The following GPM6B variants were observed in gnomAD, a reference collection of about 807,000 sequenced individuals.
The protein encoded by GPM6B is neuronal membrane glycoprotein M6-b.
A neutral mutation model predicts 27.2 loss-of-function variants in GPM6B; 4 were observed. The observed-to-expected ratio is 0.15, with a 90% CI of 0.07 to 0.34. The LOEUF is 0.34. Among genes scored for constraint, GPM6B ranks in the 10% least tolerant of loss-of-function variants. The pLI is 1.00. For missense variants in GPM6B, 183 were observed against 261.9 expected (o/e 0.70, Z 2.08); for synonymous variants, 124 against 103.1 (o/e 1.20, Z -1.23).
intron 1 of GPM6B, among the ~76,000 whole-genome samples, chrX:13,835,137 A>T (rs1298224376): frequency 8.9e-6 from 1 of 112,176 alleles, no homozygotes; most frequent in African/African-American, 3.2e-5. Context: ...GCATGAGTAC[A>T]TGAATGTTGG....
At chrX:13,918,103 C>T (rs115222495) in intron 1 of GPM6B, among the ~76,000 whole-genome samples, 163 of 112,844 alleles carry the variant, frequency 1.4e-3, no homozygotes, top group African/African-American at 5.1e-3. Context: ...GAAGAAAGTG[C>T]GTTTTTGAAC....
chrX:13,924,585 GCCT>G (rs1921080624), intron 1 of GPM6B, among the ~76,000 whole-genome samples: 1 of 112,115 alleles, frequency 8.9e-6, no homozygotes, highest in Non-Finnish European at 1.9e-5. Flanking sequence ...TCAGGAATGA[GCCT>G]CCATGCCCGG....
At chrX:13,837,654 T>C (rs1259878935) in intron 1 of GPM6B, among the ~76,000 whole-genome samples, 1 of 94,096 alleles carries the variant, frequency 1.1e-5, no homozygotes, top group African/African-American at 3.8e-5. Context: ...AATTAGCATA[T>C]TCCCCCCCTC....
At chrX:13,866,735 T>C (rs1024570396) in intron 1 of GPM6B, among the ~76,000 whole-genome samples, 16 of 111,309 alleles carry the variant, frequency 1.4e-4, no homozygotes, top group Admixed American at 4.8e-4. Context: ...AAGAGAGAAC[T>C]GAGGTCCCAA....
chrX:13,842,072 T>G (rs2049583275), intron 1 of GPM6B, among the ~76,000 whole-genome samples: 2 of 112,059 alleles, frequency 1.8e-5, no homozygotes, highest in African/African-American at 6.5e-5. Context: ...CTCCAAAATA[T>G]TCATGTGTTT....
chrX:13,845,192 G>A (rs1300757815), intron 1 of GPM6B, among the ~76,000 whole-genome samples: 1 of 110,261 alleles, frequency 9.1e-6, no homozygotes, highest in Non-Finnish European at 1.9e-5. Flanking sequence ...GTTTCACCAG[G>A]TTGGCCACGC....
chrX:13,923,272 C>G (rs952867567), intron 1 of GPM6B, among the ~76,000 whole-genome samples: 4 of 111,467 alleles, frequency 3.6e-5, no homozygotes, highest in African/African-American at 1.3e-4. Flanking sequence ...AAATGTCTGG[C>G]AGTCCAGTTT....
At chrX:13,790,982 G>C (rs191880203) in intron 2 of GPM6B, among the ~76,000 whole-genome samples, 1 of 111,644 alleles carries the variant, frequency 9.0e-6, no homozygotes, top group African/African-American at 3.3e-5. Context: ...TTTAAATATA[G>C]GGGTGGTGCC....
chrX:13,812,265 G>T (rs1045570621), intron 1 of GPM6B, among the ~76,000 whole-genome samples: 5 of 110,369 alleles, frequency 4.5e-5, no homozygotes, highest in Middle Eastern at 4.2e-3. Flanking sequence ...ATGTTAGCCA[G>T]GATGGTCTCG....
At chrX:13,836,418 G>C (rs1434300136) in intron 1 of GPM6B, among the ~76,000 whole-genome samples, 2 of 112,016 alleles carry the variant, frequency 1.8e-5, no homozygotes, top group African/African-American at 6.5e-5. Context: ...TATTTGTAGA[G>C]GTAAATGAAT....
At chrX:13,864,008 G>C (rs1465000644) in intron 1 of GPM6B, among the ~76,000 whole-genome samples, 1 of 112,034 alleles carries the variant, frequency 8.9e-6, no homozygotes, top group Non-Finnish European at 1.9e-5. Flanking sequence ...AATAATAGCA[G>C]GCCATGGTTC....
At chrX:13,909,120 C>CTTTTTTTTTTT (rs368081524) in intron 1 of GPM6B, among the ~76,000 whole-genome samples, 1 of 69,860 alleles carries the variant, frequency 1.4e-5, no homozygotes, top group African/African-American at 6.2e-5. Flanking sequence ...TGTTCATATC[C>CTTTTTTTTTTT]TTTTTTTTTT....
intron 2 of GPM6B, among the ~76,000 whole-genome samples, chrX:13,803,201 TAA>T (rs1383572553): frequency 9.0e-6 from 1 of 111,237 alleles, no homozygotes; most frequent in Non-Finnish European, 1.9e-5. Flanking sequence ...GGCCAAGGGA[TAA>T]AGTCTGCAGT....
At chrX:13,807,195 G>A (rs1022544661) in intron 2 of GPM6B, among the ~76,000 whole-genome samples, 1 of 112,310 alleles carries the variant, frequency 8.9e-6, no homozygotes, top group Non-Finnish European at 1.9e-5. Context: ...TGAGAGGGTG[G>A]TGCAGAGCAG....
At chrX:13,784,768 G>C (rs2048578457) in intron 3 of GPM6B, among the ~76,000 whole-genome samples, 1 of 112,221 alleles carries the variant, frequency 8.9e-6, no homozygotes, top group Non-Finnish European at 1.9e-5. Context: ...GCAGAGATCT[G>C]CTGCTAAACC....
chrX:13,791,321 T>C (rs1476945216), intron 2 of GPM6B, among the ~76,000 whole-genome samples: 1 of 110,982 alleles, frequency 9.0e-6, no homozygotes, highest in Non-Finnish European at 1.9e-5. Flanking sequence ...GTGAGTCTTA[T>C]GCCTCAGCCT....
chrX:13,936,777 T>G (rs1921862071), intron 1 of GPM6B, among the ~76,000 whole-genome samples: 1 of 112,133 alleles, frequency 8.9e-6, no homozygotes, highest in South Asian at 3.7e-4. Context: ...GGCTCGGGCC[T>G]TTGCTTCATG....
chrX:13,934,815 A>G (rs1238038766), intron 1 of GPM6B, among the ~76,000 whole-genome samples: 1 of 112,332 alleles, frequency 8.9e-6, no homozygotes, highest in Non-Finnish European at 1.9e-5. Flanking sequence ...AATTATGAAG[A>G]GAAAATGATT....
intron 1 of GPM6B, among the ~76,000 whole-genome samples, chrX:13,862,317 C>G (rs1408960420): frequency 3.6e-5 from 4 of 111,502 alleles, no homozygotes; most frequent in African/African-American, 1.3e-4. Flanking sequence ...TGGGGTAAAC[C>G]ACTGGCCCTT....
Sources: gnomAD v4.1 joint callset for allele counts (sites outside exome capture counted in the v4.1 genomes callset) on GRCh38, gnomAD v4.1.1 for gene constraint, MANE v1.5 for transcripts, NCBI Gene and HGNC (gene_info 2026-07-23, HGNC 2026-07-21) for gene names.